The following DSTYK variants were observed in gnomAD, a reference collection of about 807,000 sequenced individuals.
DSTYK encodes the protein RIP-homologous kinase.
A neutral mutation model predicts 98.7 loss-of-function variants in DSTYK; 34 were observed. The ratio of observed to expected loss-of-function variants is 0.34; its 90% CI spans 0.26 to 0.46. The LOEUF (loss-of-function observed/expected upper bound fraction) is 0.46, where lower values mean the gene tolerates loss of function less well. Among genes scored for constraint, DSTYK ranks in the 20% least tolerant of loss-of-function variants. DSTYK has a pLI of 1.00. For synonymous variants in DSTYK, 462 were observed against 457.3 expected, an observed-to-expected ratio of 1.01 and a Z score of -0.13; for missense variants, 962 against 1,181.7, an observed-to-expected ratio of 0.81 and a Z score of 2.73.
In DSTYK at chr1:205,145,975, C is replaced by G. The variant is rs1354886359; in HGVS notation, c.*1583G>C. On this transcript the variant is annotated 3_prime_UTR_variant, in exon 13 of 13. Coordinates refer to ENST00000367162, the MANE Select transcript of DSTYK (RefSeq NM_015375.3). ...TTCCTCAAGCACACTTCATGAGGAACCCTCCAAAAGACCACCCACCCGCCT... is the reference window on the plus strand; with the variant it reads ...TTCCTCAAGCACACTTCATGAGGAAGCCTCCAAAAGACCACCCACCCGCCT... 4 of 152,152 alleles carry G rather than the reference C, an allele frequency of 2.6e-5. No homozygotes were observed. Among genetic ancestry groups the G allele is most frequent in the Non-Finnish European group, 5.9e-5 (4 of 68,050 alleles). The allele number at this position is 152,152 out of a possible 1,614,324, so 9.4% of individuals were successfully genotyped here. A position where few individuals can be genotyped will look rare whatever the true frequency, so the allele number is the denominator to read the frequency against.
At position 205,147,433 on chromosome 1, in the gene DSTYK, T is replaced by A; in HGVS notation, c.*125A>T. On this transcript the variant is annotated 3_prime_UTR_variant, in exon 13 of 13. Transcript: ENST00000367162. ...CATCCCTGCCTGGGAAGGTTCCAAG[T>A]TTCCCAGCAAGCACCAGTTCCCTTG... The A allele has an allele frequency of 5.5e-6, 6 of 1,100,424 alleles. No homozygotes were observed. Among genetic ancestry groups the A allele is most frequent in the Non-Finnish European group, 7.8e-6 (6 of 771,632 alleles). The allele number at this position is 1,100,424 out of a possible 1,614,324, so 68.2% of individuals were successfully genotyped here.
intron 7 of DSTYK, 37 bp downstream of exon 7, chr1:205,161,221 C>T: frequency 1.2e-6 from 2 of 1,611,004 alleles, no homozygotes; most frequent in Non-Finnish European, 1.7e-6. Context: ...GTATCCTGAA[C>T]CATCCTCCAG....
chr1:205,211,449 C>G lies in DSTYK; in HGVS notation c.87G>C (p.Arg29=), dbSNP rs1240006841. The stretch of plus-strand genomic sequence containing the variant: ...GGTAGCGGCGGTAGCGGCCGAAGCC[C>G]CGGCACAGCTCGCGGATCATTCCGC... ...GGGGMIRELC[R]GFGRYRRYLG... Residue 29 remains arginine, a synonymous_variant, in exon 1 of 13, where the codon CGG becomes CGC. Coordinates refer to ENST00000367162, the MANE Select transcript of DSTYK (RefSeq NM_015375.3). 6.2e-7 allele frequency: 1 copy of G among 1,600,614 alleles called. No individual in the cohort carries two copies. Among genetic ancestry groups the G allele is most frequent in the Non-Finnish European group, 8.5e-7 (1 of 1,176,598 alleles).
chr1:205,162,999 T>C lies in DSTYK; in HGVS notation c.1565A>G (p.Asn522Ser), dbSNP rs924344608. 5.6e-6 allele frequency: 9 copies of C among 1,613,882 alleles called. No homozygotes were observed. Among genetic ancestry groups the C allele is most frequent in the Non-Finnish European group, 7.6e-6 (9 of 1,179,884 alleles). Reference sequence around the variant, plus strand: ...CGTGACTTCAACATGATAGGCAGCATTTAAGATCTGAAAGAGACAACGCCA... The same window carrying C: ...CGTGACTTCAACATGATAGGCAGCACTTAAGATCTGAAAGAGACAACGCCA... ...ITSNYLKQIL[N>S]AAYHVEVTFH... Residue 522 changes from asparagine (N) to serine (S), a missense_variant, in exon 5 of 13, where the codon AAT (asparagine) becomes AGT (serine). Asn to Ser is a conservative substitution (Grantham distance 46, BLOSUM62 1). Transcript: ENST00000367162.
intron 3 of DSTYK, among the ~76,000 whole-genome samples, chr1:205,167,295 G>C (rs1657918518): frequency 6.6e-6 from 1 of 152,160 alleles, no homozygotes; most frequent in African/African-American, 2.4e-5. Context: ...AGGTGTGCAG[G>C]GGGCTGAGGC....
At chr1:205,154,096 G>C (rs1472992971) in intron 10 of DSTYK, among the ~76,000 whole-genome samples, 1 of 151,442 alleles carries the variant, frequency 6.6e-6, no homozygotes, top group Non-Finnish European at 1.5e-5. Flanking sequence ...CATGTATAGA[G>C]AGAAAGAGAG....
At chr1:205,201,063 A>G in intron 1 of DSTYK, among the ~76,000 whole-genome samples, 1 of 151,592 alleles carries the variant, frequency 6.6e-6, no homozygotes, top group Non-Finnish European at 1.5e-5. Context: ...GTGCCACCAT[A>G]CCCGGCTAGT....
intron 9 of DSTYK, among the ~76,000 whole-genome samples, chr1:205,159,087 A>ATT (rs200440178): frequency 6.7e-6 from 1 of 149,838 alleles, no homozygotes; most frequent in African/African-American, 2.5e-5. Flanking sequence ...ATCTTTAAAA[A>ATT]TTTTTTTTTT....
rs1035622631 is a variant in DSTYK, at chr1:205,146,038, A to G, written c.*1520T>C. On this transcript the variant is annotated 3_prime_UTR_variant, in exon 13 of 13. Transcript: ENST00000367162. ...GGAAACTTCCCAGACACTAGCACAC[A>G]GGGGTGAGGGGCACACACAGAACTA... 2.0e-5 allele frequency: 3 copies of G among 152,112 alleles called. No homozygotes were observed. The highest frequency in any genetic ancestry group is 7.2e-5 in the African/African-American group (3 of 41,420). 9.4% of individuals were successfully genotyped at this position (152,112 alleles called of 1,614,324 possible).
intron 3 of DSTYK, among the ~76,000 whole-genome samples, chr1:205,168,383 G>A (rs1457970991): frequency 3.3e-5 from 5 of 152,126 alleles, no homozygotes; most frequent in Admixed American, 3.3e-4. Flanking sequence ...AAGGAAATAA[G>A]CAGAATCTAC....
At chr1:205,193,785 C>T (rs1658780706) in intron 1 of DSTYK, among the ~76,000 whole-genome samples, 1 of 151,410 alleles carries the variant, frequency 6.6e-6, no homozygotes, top group South Asian at 2.1e-4. Flanking sequence ...GCAGGAGAAT[C>T]GCTTGAACCT....
intron 9 of DSTYK, among the ~76,000 whole-genome samples, chr1:205,159,065 AG>A (rs1386751234): frequency 1.3e-5 from 2 of 152,036 alleles, no homozygotes; most frequent in Non-Finnish European, 2.9e-5. Flanking sequence ...GGGTGAAAAT[AG>A]GTTCTGATAA....
rs749421466 is a variant in DSTYK, at chr1:205,187,571, G to A, written c.501C>T (p.Leu167=). The A allele has an allele frequency of 2.5e-6, 4 of 1,614,134 alleles. No homozygotes were observed. The highest frequency in any genetic ancestry group is 3.4e-6 in the Non-Finnish European group (4 of 1,180,044). Residue 167 remains leucine, a synonymous_variant, in exon 2 of 13, where the codon CTC becomes CTT. Transcript: ENST00000367162. ...TGTGCACTAGTTCATACTGTCCAGG[G>A]AGCGCCAGGCTGACCCGAGTCTGAG... The part of the protein sequence containing the change: ...YGTQTRVSLA[L]PGQYELVHTL...
At chr1:205,185,713 T>C (rs1352453063) in intron 2 of DSTYK, among the ~76,000 whole-genome samples, 5 of 152,176 alleles carry the variant, frequency 3.3e-5, no homozygotes, top group Non-Finnish European at 7.3e-5. Context: ...AAAATGTATG[T>C]CTTACAGTGA....
chr1:205,200,742 A>C (rs1659007674), intron 1 of DSTYK, among the ~76,000 whole-genome samples: 1 of 152,192 alleles, frequency 6.6e-6, no homozygotes, highest in Non-Finnish European at 1.5e-5. Context: ...TGAGTGAATG[A>C]ATATTAAGAA....
chr1:205,187,394 G>C (rs751238750), intron 2 of DSTYK, 24 bp downstream of exon 2: 2 of 1,574,068 alleles, frequency 1.3e-6, no homozygotes, highest in Non-Finnish European at 1.7e-6. Flanking sequence ...GTATACAATT[G>C]GTATAGAAGT....
chr1:205,204,218 G>A (rs1659134807), intron 1 of DSTYK, among the ~76,000 whole-genome samples: 1 of 152,158 alleles, frequency 6.6e-6, no homozygotes, highest in Non-Finnish European at 1.5e-5. Context: ...TGTGGAGCCT[G>A]GGTGACGACT....
Position 205,159,691 on chromosome 1 carries a change from G to T in DSTYK, c.2106-12C>A. ...GCTTCGGCAGAGACCTGGAGGGAAG[G>T]AGAGAGATCTGGGCTACAAGGCTTG... On this transcript the variant is annotated splice_polypyrimidine_tract_variant and intron_variant, in intron 8 of 12. Transcript: ENST00000367162. 1.1e-5 allele frequency: 17 copies of T among 1,612,882 alleles called. No homozygotes were observed. Among genetic ancestry groups the T allele is most frequent in the Non-Finnish European group, 1.4e-5 (17 of 1,179,944 alleles).
At chr1:205,167,233 T>TAA (rs112666486) in intron 3 of DSTYK, among the ~76,000 whole-genome samples, 1 of 150,214 alleles carries the variant, frequency 6.7e-6, no homozygotes, top group Non-Finnish European at 1.5e-5. Flanking sequence ...CCCCTGTCTC[T>TAA]AAAAAAAAAT....
Sources: gnomAD v4.1 joint callset for allele counts (sites outside exome capture counted in the v4.1 genomes callset) on GRCh38, gnomAD v4.1.1 for gene constraint, MANE v1.5 for transcripts, NCBI Gene and HGNC (gene_info 2026-07-23, HGNC 2026-07-21) for gene names.